Variants in HS3ST4 observed in about 807,000 individuals in gnomAD.
The protein encoded by HS3ST4 is heparan sulfate glucosamine 3-O-sulfotransferase 4.
A neutral mutation model predicts 29.2 loss-of-function variants in HS3ST4; 17 were observed. The ratio of observed to expected loss-of-function variants is 0.58; its 90% confidence interval spans 0.40 to 0.87. The LOEUF (loss-of-function observed/expected upper bound fraction) is 0.87, where lower values mean the gene tolerates loss of function less well. HS3ST4 is among the 40% of genes least tolerant of loss of function. The probability of loss-of-function intolerance (pLI) is 0.00; values close to 1 mark genes in which losing one functional copy is unlikely to be tolerated. For synonymous variants in HS3ST4, 314 were observed against 285.7 expected (o/e 1.10, Z -1.00); for missense variants, 627 against 634.5 (o/e 0.99, Z 0.13).
intron 1 of HS3ST4, among the ~76,000 whole-genome samples, chr16:25,775,523 C>G (rs562291289): frequency 3.7e-4 from 56 of 152,276 alleles, no homozygotes; most frequent in African/African-American, 1.3e-3. Context: ...CCTTTATGAT[C>G]CCAGGTGCCC....
At chr16:25,777,396 G>A (rs1027732827) in intron 1 of HS3ST4, among the ~76,000 whole-genome samples, 3 of 150,764 alleles carry the variant, frequency 2.0e-5, no homozygotes, top group African/African-American at 7.4e-5. Flanking sequence ...TGGAGATACA[G>A]CAGAAAGCAC....
At chr16:25,903,324 T>TAC (rs67993882) in intron 1 of HS3ST4, among the ~76,000 whole-genome samples, 6,541 of 73,002 alleles carry the variant, frequency 0.09, 264 homozygotes, top group African/African-American at 0.18. Flanking sequence ...ATATATTATA[T>TAC]ATATGTATAT....
At chr16:26,120,067 GTGTA>G (rs1381325060) in intron 1 of HS3ST4, among the ~76,000 whole-genome samples, 24 of 100,700 alleles carry the variant, frequency 2.4e-4, no homozygotes, top group African/African-American at 7.0e-4. Flanking sequence ...GTGTGTGTGT[GTGTA>G]TGTGTGTGTG....
intron 1 of HS3ST4, among the ~76,000 whole-genome samples, chr16:25,887,293 A>G (rs925265300): frequency 6.6e-6 from 1 of 152,144 alleles, no homozygotes; most frequent in African/African-American, 2.4e-5. Context: ...CCTTTGAGGA[A>G]GTAGGAAGGT....
chr16:26,015,627 G>T (rs1012080742), intron 1 of HS3ST4, among the ~76,000 whole-genome samples: 1 of 152,142 alleles, frequency 6.6e-6, no homozygotes, highest in African/African-American at 2.4e-5. Flanking sequence ...CCCTCTGATT[G>T]CATGGTTGGT....
chr16:25,709,947 A>C lies in HS3ST4; in HGVS notation c.734+16796A>C, dbSNP rs187246861. ...AAATAGCAAGTGAAATAGTTTCATC[A>C]CATTAAGTCTTCCTGCCCGGATTCG... is the stretch of plus-strand genomic sequence containing the variant. On this transcript the variant is annotated intron_variant, in intron 1 of 1. Transcript: ENST00000331351. Among the ~76,000 whole-genome samples the C allele has an allele frequency of 1.4e-4, 22 of 152,314 alleles. No homozygotes were observed. In the East Asian group the frequency reaches 4.1e-3, roughly 28 times the overall value.
chr16:25,992,153 G>A (rs1969119834), intron 1 of HS3ST4, among the ~76,000 whole-genome samples: 1 of 152,232 alleles, frequency 6.6e-6, no homozygotes, highest in Non-Finnish European at 1.5e-5. Flanking sequence ...TCCTCATGGA[G>A]TTTGTATTCT....
chr16:25,956,726 T>C (rs999739445), intron 1 of HS3ST4, among the ~76,000 whole-genome samples: 4 of 151,630 alleles, frequency 2.6e-5, no homozygotes, highest in Non-Finnish European at 1.5e-5. Flanking sequence ...TGGCTGGGCG[T>C]GGTGGCTCAT....
At chr16:25,853,392 T>C (rs1016912742) in intron 1 of HS3ST4, among the ~76,000 whole-genome samples, 5 of 152,146 alleles carry the variant, frequency 3.3e-5, no homozygotes, top group African/African-American at 1.2e-4. Flanking sequence ...GTTTAATTTC[T>C]TTCTTTCTCT....
intron 1 of HS3ST4, among the ~76,000 whole-genome samples, chr16:25,792,175 A>G (rs1438153269): frequency 6.6e-6 from 1 of 151,866 alleles, no homozygotes; most frequent in Non-Finnish European, 1.5e-5. Context: ...GGGATTTATT[A>G]TATTCACTTA....
At chr16:25,807,005 T>C (rs1966996647) in intron 1 of HS3ST4, among the ~76,000 whole-genome samples, 1 of 152,114 alleles carries the variant, frequency 6.6e-6, no homozygotes, top group Non-Finnish European at 1.5e-5. Context: ...GGAGTTTCAC[T>C]CTTGTTGCTC....
At chr16:25,747,248 C>T (rs1010964374) in intron 1 of HS3ST4, among the ~76,000 whole-genome samples, 1 of 152,198 alleles carries the variant, frequency 6.6e-6, no homozygotes, top group Non-Finnish European at 1.5e-5. Context: ...GGTGACTACT[C>T]CTCTTTCCAT....
intron 1 of HS3ST4, among the ~76,000 whole-genome samples, chr16:25,931,177 C>T (rs1968459539): frequency 6.6e-6 from 1 of 152,210 alleles, no homozygotes; most frequent in African/African-American, 2.4e-5. Context: ...AATTGTTTCC[C>T]CAACAAGCTG....
intron 1 of HS3ST4, among the ~76,000 whole-genome samples, chr16:25,951,606 C>T (rs1968684137): frequency 6.6e-6 from 1 of 152,218 alleles, no homozygotes; most frequent in African/African-American, 2.4e-5. Context: ...TTTCTACTCT[C>T]TATGTTGCAG....
intron 1 of HS3ST4, among the ~76,000 whole-genome samples, chr16:26,093,941 C>T (rs1358425325): frequency 1.3e-5 from 2 of 152,148 alleles, no homozygotes; most frequent in Non-Finnish European, 2.9e-5. Context: ...AGCTGAAAAC[C>T]ATGGCGCAAG....
intron 1 of HS3ST4, among the ~76,000 whole-genome samples, chr16:26,074,689 TCAAA>T (rs1898638697): frequency 6.6e-6 from 1 of 152,180 alleles, no homozygotes; most frequent in African/African-American, 2.4e-5. Flanking sequence ...TGGCATCCAT[TCAAA>T]CAAAGCCTTA....
intron 1 of HS3ST4, among the ~76,000 whole-genome samples, chr16:25,862,331 TACAGGC>T (rs1967646455): frequency 6.6e-6 from 1 of 152,180 alleles, no homozygotes; most frequent in Admixed American, 6.5e-5. Context: ...TAACTGGGAT[TACAGGC>T]ACATGCCTCC....
intron 1 of HS3ST4, among the ~76,000 whole-genome samples, chr16:26,060,663 A>G (rs1282201125): frequency 2.6e-5 from 4 of 152,156 alleles, no homozygotes; most frequent in Non-Finnish European, 4.4e-5. Flanking sequence ...GTCATCTGAA[A>G]TCTGGTATAA....
chr16:25,980,067 C>T (rs1407875175), intron 1 of HS3ST4, among the ~76,000 whole-genome samples: 1 of 152,144 alleles, frequency 6.6e-6, no homozygotes, highest in Non-Finnish European at 1.5e-5. Context: ...ATGTCCTCCT[C>T]CAATCTGTTC....
Sources: gnomAD v4.1 joint callset for allele counts (sites outside exome capture counted in the v4.1 genomes callset) on GRCh38, gnomAD v4.1.1 for gene constraint, MANE v1.5 for transcripts, NCBI Gene and HGNC (gene_info 2026-07-23, HGNC 2026-07-21) for gene names.